The following METTL22 variants were observed in gnomAD, a reference collection of about 807,000 sequenced individuals.
The protein encoded by METTL22 is methyltransferase 22, Kin17 lysine, also known as methyltransferase-like protein 22.
METTL22 carries 51 observed loss-of-function variants against 48.4 expected under a neutral mutation model. That is an observed-to-expected ratio of 1.05 (90% CI 0.84 to 1.33). The LOEUF is 1.33. Ranked by LOEUF, METTL22 falls within the 40% of genes most tolerant of loss-of-function variation. The pLI is 0.00. For synonymous variants in METTL22, 255 were observed against 214.1 expected, an observed-to-expected ratio of 1.19 and a Z score of -1.67; for missense variants, 678 against 526.9, an observed-to-expected ratio of 1.29 and a Z score of -2.81.
chr16:8,641,308 C>T, intron 7 of METTL22, 124 bp downstream of exon 7: 1 of 925,624 alleles, frequency 1.1e-6, no homozygotes, highest in Non-Finnish European at 1.8e-6. Flanking sequence ...CCCATCGGCG[C>T]ATGGCAGCTT....
At chr16:8,637,641 G>A (rs919514411) in intron 5 of METTL22, among the ~76,000 whole-genome samples, 1 of 152,178 alleles carries the variant, frequency 6.6e-6, no homozygotes, top group African/African-American at 2.4e-5. Context: ...TGGACCTGCT[G>A]GCCCACAGGG....
Position 8,648,653 on chromosome 16 carries a change from T to C in METTL22, c.*2510T>C, listed in dbSNP as rs575563532. 6.6e-6 allele frequency: 1 copy of C among 151,196 alleles called. No individual in the cohort carries two copies. Among genetic ancestry groups the C allele is most frequent in the African/African-American group, 2.5e-5 (1 of 40,806 alleles). The allele number at this position is 151,196 out of a possible 1,614,324, so 9.4% of individuals were successfully genotyped here. On this transcript the variant is annotated 3_prime_UTR_variant, in exon 11 of 11. Transcript: ENST00000381920. The stretch of plus-strand genomic sequence containing the variant: ...AAAAAAAAAAAAAAGCCAGGCGTAG[T>C]GGCTAACGCCTGTAGTCCCAACTAC...
At chr16:8,644,774 G>T in intron 10 of METTL22, 49 bp downstream of exon 10, 2 of 1,480,636 alleles carry the variant, frequency 1.4e-6, no homozygotes, top group South Asian at 2.7e-5. Context: ...ACTGTGAAGC[G>T]GGTGACTCCA....
the METTL22 span, among the ~76,000 whole-genome samples, chr16:8,659,326 A>G: frequency 6.6e-6 from 1 of 151,904 alleles, no homozygotes. Context: ...ATGAGGAAAA[A>G]AAAAAAAAAC....
At chr16:8,655,873 G>A in the METTL22 span, among the ~76,000 whole-genome samples, 1 of 152,150 alleles carries the variant, frequency 6.6e-6, no homozygotes. Flanking sequence ...GGCATTTGGG[G>A]GATTCAGGAA....
chr16:8,651,441 C>T (rs2056896880), downstream of METTL22, among the ~76,000 whole-genome samples: 1 of 145,568 alleles, frequency 6.9e-6, no homozygotes, highest in Non-Finnish European at 1.5e-5. Flanking sequence ...TAGAGTCATA[C>T]TTGGCCCTGG....
Position 8,646,860 on chromosome 16 carries a change from A to C in METTL22, c.*717A>C, listed in dbSNP as rs542658171. On this transcript the variant is annotated 3_prime_UTR_variant, in exon 11 of 11. Transcript: ENST00000381920. ...CGCCCCTTGGTCTCTCTGTCTTATC[A>C]CGTGTGTACATGTCTGTCTGTCTGG... 5.5e-6 allele frequency: 2 copies of C among 365,882 alleles called. No individual in the cohort carries two copies. The highest frequency in any genetic ancestry group is 1.1e-5 in the Non-Finnish European group (2 of 185,912). The allele number at this position is 365,882 out of a possible 1,614,324, so 22.7% of individuals were successfully genotyped here.
intron 10 of METTL22, 111 bp from the exon 11 acceptor site, chr16:8,645,997 T>C: frequency 1.3e-6 from 2 of 1,530,576 alleles, no homozygotes; most frequent in Non-Finnish European, 8.8e-7. Flanking sequence ...GCCTGCTCCG[T>C]GGCTGACGTG....
In METTL22 at chr16:8,644,567, A is replaced by C; in HGVS notation, c.1021A>C (p.Thr341Pro). 1 of 1,558,162 alleles carries C rather than the reference A, an allele frequency of 6.4e-7. No homozygotes were observed. Among genetic ancestry groups the C allele is most frequent in the Non-Finnish European group, 8.7e-7 (1 of 1,148,614 alleles). Residue 341 changes from threonine (T) to proline (P), a missense_variant, in exon 10 of 11, where the codon ACA becomes CCA. By Grantham distance (38) the Thr-to-Pro change is conservative. Coordinates refer to ENST00000381920, the MANE Select transcript of METTL22 (RefSeq NM_024109.4). ...ILSVEKRLNF[T>P]LRHLDVTCEA... ...CTGGCTGGTTTGCAGGCTCAACTTC[A>C]CATTGAGACACTTGGACGTCACATG...
chr16:8,626,679 C>A (rs537243661), intron 2 of METTL22, among the ~76,000 whole-genome samples: 7 of 150,862 alleles, frequency 4.6e-5, no homozygotes, highest in Non-Finnish European at 8.8e-5. Context: ...GAACTTCTGA[C>A]CTCAGGTGAT....
At chr16:8,624,337 C>A (rs2055964909) in intron 1 of METTL22, among the ~76,000 whole-genome samples, 1 of 150,570 alleles carries the variant, frequency 6.6e-6, no homozygotes, top group East Asian at 2.0e-4. Context: ...GACTCCCTTA[C>A]TACTTTTCCT....
At chr16:8,665,122 C>G in the METTL22 span, among the ~76,000 whole-genome samples, 4 of 137,970 alleles carry the variant, frequency 2.9e-5, no homozygotes, top group African/African-American at 1.1e-4. Flanking sequence ...TGGTGAAACC[C>G]CGTATCTACT....
chr16:8,630,854 C>T (rs945782542), intron 3 of METTL22, among the ~76,000 whole-genome samples: 2 of 152,142 alleles, frequency 1.3e-5, no homozygotes, highest in African/African-American at 4.8e-5. Context: ...ATGCATGAAC[C>T]TAGGTAGTAA....
rs373446183 is a variant in METTL22, at chr16:8,625,556, C to T, written c.-110C>T. The T allele has an allele frequency of 3.8e-5, 39 of 1,032,756 alleles. No individual in the cohort carries two copies. Among genetic ancestry groups the T allele is most frequent in the Non-Finnish European group, 4.8e-5 (35 of 728,716 alleles). 64.0% of individuals were successfully genotyped at this position (1,032,756 alleles called of 1,614,324 possible). ...TCTCCCAGGGCGATGCAAAGCTACT[C>T]GCTACCAGCTTGGACCTGTCTGCAG... On this transcript the variant is annotated 5_prime_UTR_variant, in exon 2 of 11. Transcript: ENST00000381920.
intron 3 of METTL22, among the ~76,000 whole-genome samples, chr16:8,634,156 T>C (rs980054120): frequency 1.3e-5 from 2 of 152,260 alleles, no homozygotes; most frequent in African/African-American, 4.8e-5. Flanking sequence ...AGATTCTAAC[T>C]GCCCATAGGG....
chr16:8,648,966 C>G lies in METTL22; in HGVS notation c.*2823C>G, dbSNP rs1169091091. On this transcript the variant is annotated 3_prime_UTR_variant, in exon 11 of 11. Transcript: ENST00000381920. ...ACAAACTCCGTTCCTGACAGACTTG[C>G]CATAATGGAGCAGCATTGCAGATCA... 1 of 152,256 alleles carries G rather than the reference C, an allele frequency of 6.6e-6. No individual in the cohort carries two copies. The highest frequency in any genetic ancestry group is 2.4e-5 in the African/African-American group (1 of 41,458). 9.4% of individuals were successfully genotyped at this position (152,256 alleles called of 1,614,324 possible).
chr16:8,642,182 C>G lies in METTL22; in HGVS notation c.882C>G (p.His294Gln). 2 of 1,613,670 alleles carry G rather than the reference C, an allele frequency of 1.2e-6. No homozygotes were observed. The highest frequency in any genetic ancestry group is 1.7e-6 in the Non-Finnish European group (2 of 1,179,604). Reference sequence around the variant, plus strand: ...AGGAAATTTCTGACTTGTACGATCACACCACCATCCTGTTTGCAGCCGAAG... The same window carrying G: ...AGGAAATTTCTGACTTGTACGATCAGACCACCATCCTGTTTGCAGCCGAAG... ...SQEEISDLYD[H>Q]TTILFAAEVF... Residue 294 changes from histidine (H) to glutamine (Q), a missense_variant, in exon 8 of 11, where the codon CAC becomes CAG. His to Gln is a conservative substitution (Grantham distance 24). Transcript: ENST00000381920.
At position 8,625,501 on chromosome 16, in the gene METTL22, T is replaced by G; in HGVS notation, c.-165T>G. On this transcript the variant is annotated 5_prime_UTR_variant, in exon 2 of 11. Coordinates refer to ENST00000381920, the MANE Select transcript of METTL22 (RefSeq NM_024109.4). ...AATAACGCATTAATTTCCAGCTGGATTCTCTTCCCTGGCCAAGTCTCTGAG... is the reference window on the plus strand; with the variant it reads ...AATAACGCATTAATTTCCAGCTGGAGTCTCTTCCCTGGCCAAGTCTCTGAG... 2.0e-6 allele frequency: 1 copy of G among 497,484 alleles called. No homozygotes were observed. The highest frequency in any genetic ancestry group is 3.5e-6 in the Non-Finnish European group (1 of 288,502). 30.8% of individuals were successfully genotyped at this position (497,484 alleles called of 1,614,324 possible).
intron 5 of METTL22, among the ~76,000 whole-genome samples, chr16:8,638,165 A>G (rs375807510): frequency 3.5e-4 from 54 of 152,200 alleles, no homozygotes; most frequent in African/African-American, 1.3e-3. Flanking sequence ...TGCTAAGCCC[A>G]TCGTGTGCTG....
Sources: gnomAD v4.1 joint callset for allele counts (sites outside exome capture counted in the v4.1 genomes callset) on GRCh38, gnomAD v4.1.1 for gene constraint, MANE v1.5 for transcripts, NCBI Gene and HGNC (gene_info 2026-07-23, HGNC 2026-07-21) for gene names.